Variants in IL1RAPL2 observed in about 807,000 individuals in gnomAD.
IL1RAPL2 encodes X-linked interleukin-1 receptor accessory protein-like 2.
Under a neutral mutation model 44.1 loss-of-function variants are expected in IL1RAPL2, and 3 were observed. The ratio of observed to expected loss-of-function variants is 0.07; its 90% CI spans 0.03 to 0.18. The LOEUF (loss-of-function observed/expected upper bound fraction) is 0.18. Among genes scored for constraint, IL1RAPL2 ranks in the 10% least tolerant of loss-of-function variants. The pLI is 1.00. For missense variants in IL1RAPL2, 391 were observed against 496.4 expected, an observed-to-expected ratio of 0.79 and a Z score of 2.02; for synonymous variants, 181 against 178.8, an observed-to-expected ratio of 1.01 and a Z score of -0.10.
At chrX:104,599,369 T>C (rs768493803) in intron 1 of IL1RAPL2, among the ~76,000 whole-genome samples, 2 of 110,852 alleles carry the variant, frequency 1.8e-5, no homozygotes, top group Admixed American at 1.9e-4. Flanking sequence ...CATCTCAGCC[T>C]CCTGAGTATC....
intron 3 of IL1RAPL2, among the ~76,000 whole-genome samples, chrX:105,197,832 G>A (rs1397696935): frequency 9.1e-6 from 1 of 110,097 alleles, no homozygotes; most frequent in Non-Finnish European, 1.9e-5. Flanking sequence ...GCATGTCATG[G>A]GGGTTTGGTG....
intron 5 of IL1RAPL2, among the ~76,000 whole-genome samples, chrX:105,479,908 T>C (rs180953616): frequency 1.3e-3 from 149 of 111,587 alleles, no homozygotes; most frequent in African/African-American, 4.6e-3. Flanking sequence ...TTGGTAGGTT[T>C]TGAATGGTTA....
chrX:104,567,823 C>T (rs188839177), intron 1 of IL1RAPL2, among the ~76,000 whole-genome samples: 137 of 112,280 alleles, frequency 1.2e-3, no homozygotes, highest in Middle Eastern at 9.2e-3. Flanking sequence ...GAGCAAACAG[C>T]TTGATCTGTC....
At chrX:104,585,371 TATATATA>T (rs1928533774) in intron 1 of IL1RAPL2, among the ~76,000 whole-genome samples, 3 of 22,190 alleles carry the variant, frequency 1.4e-4, no homozygotes, top group African/African-American at 9.8e-4. Flanking sequence ...TTATATATAT[TATATATA>T]ATATATATTA....
rs949580306 is a variant in IL1RAPL2, at chrX:105,032,774, G to A, written c.83-162701G>A. The stretch of plus-strand genomic sequence containing the variant: ...GTACAGAGATGAGTTCAGTTCCTGG[G>A]TATCCTTGTTAACTTTCTGTCTCGT... On this transcript the variant is annotated intron_variant, in intron 2 of 10. Coordinates refer to ENST00000372582, the MANE Select transcript of IL1RAPL2 (RefSeq NM_017416.2). Among the ~76,000 whole-genome samples, 12 of 110,959 alleles carry A rather than the reference G, an allele frequency of 1.1e-4. No individual in the cohort carries two copies. In the East Asian group the frequency reaches 1.4e-3, roughly 13 times the overall value.
intron 2 of IL1RAPL2, among the ~76,000 whole-genome samples, chrX:105,114,763 T>C (rs914377898): frequency 2.7e-5 from 3 of 112,087 alleles, no homozygotes; most frequent in Admixed American, 1.9e-4. Flanking sequence ...TCTTTCAATG[T>C]TGCCAAGCAG....
At chrX:105,106,729 G>A (rs1251108070) in intron 2 of IL1RAPL2, among the ~76,000 whole-genome samples, 1 of 111,614 alleles carries the variant, frequency 9.0e-6, no homozygotes, top group Non-Finnish European at 1.9e-5. Context: ...CTACAACCTA[G>A]AGTTTCTGTA....
chrX:105,115,999 C>G (rs944198178), intron 2 of IL1RAPL2, among the ~76,000 whole-genome samples: 4 of 113,384 alleles, frequency 3.5e-5, no homozygotes, highest in African/African-American at 1.3e-4. Flanking sequence ...GCCAGCAGCT[C>G]TGAGTGCGGG....
chrX:105,386,127 T>C (rs1433719660), intron 5 of IL1RAPL2, among the ~76,000 whole-genome samples: 1 of 111,745 alleles, frequency 8.9e-6, no homozygotes, highest in Non-Finnish European at 1.9e-5. Flanking sequence ...TGATCCCCGA[T>C]TGTGGTCTAA....
intron 6 of IL1RAPL2, among the ~76,000 whole-genome samples, chrX:105,637,688 C>T (rs1485586810): frequency 9.1e-6 from 1 of 110,085 alleles, no homozygotes; most frequent in Non-Finnish European, 1.9e-5. Context: ...TCTCATGTTC[C>T]TTTCCTTAGC....
chrX:104,763,883 T>C (rs188439481), intron 2 of IL1RAPL2, among the ~76,000 whole-genome samples: 1 of 111,420 alleles, frequency 9.0e-6, no homozygotes, highest in Admixed American at 9.5e-5. Context: ...AGTCAAACCA[T>C]ATCACTGGGT....
chrX:105,464,622 CAAAATCCA>C (rs1377791131), intron 5 of IL1RAPL2, among the ~76,000 whole-genome samples: 1 of 111,600 alleles, frequency 9.0e-6, no homozygotes, highest in African/African-American at 3.3e-5. Context: ...TTATTAACCC[CAAAATCCA>C]AAATTCCTTT....
At chrX:105,482,711 A>G (rs1016579392) in intron 5 of IL1RAPL2, among the ~76,000 whole-genome samples, 1 of 111,638 alleles carries the variant, frequency 9.0e-6, no homozygotes, top group Non-Finnish European at 1.9e-5. Flanking sequence ...GCTTCTAAAT[A>G]TTCTTCAAAT....
At chrX:105,136,264 A>G (rs557578989) in intron 2 of IL1RAPL2, among the ~76,000 whole-genome samples, 1 of 111,633 alleles carries the variant, frequency 9.0e-6, no homozygotes, top group African/African-American at 3.3e-5. Flanking sequence ...ATGGTTATAT[A>G]TTTTTCTGCA....
At chrX:105,686,218 G>A (rs2037972319) in intron 6 of IL1RAPL2, among the ~76,000 whole-genome samples, 1 of 109,601 alleles carries the variant, frequency 9.1e-6, no homozygotes, top group African/African-American at 3.3e-5. Context: ...AACCTTAAAT[G>A]TAAATTGGCT....
chrX:104,945,978 A>C (rs1925335594), intron 2 of IL1RAPL2, among the ~76,000 whole-genome samples: 1 of 111,053 alleles, frequency 9.0e-6, no homozygotes, highest in African/African-American at 3.3e-5. Context: ...CCCATTTTTA[A>C]AGAAAAAATC....
intron 2 of IL1RAPL2, among the ~76,000 whole-genome samples, chrX:104,764,999 T>A (rs374623805): frequency 8.9e-6 from 1 of 112,011 alleles, no homozygotes; most frequent in East Asian, 2.8e-4. Flanking sequence ...TCATCAGAGA[T>A]ATTGGTCTGT....
intron 2 of IL1RAPL2, among the ~76,000 whole-genome samples, chrX:105,047,554 A>G (rs2031856813): frequency 9.0e-6 from 1 of 111,584 alleles, no homozygotes; most frequent in Admixed American, 9.6e-5. Flanking sequence ...CCAGCTGTTA[A>G]TGATGCAGGA....
chrX:105,039,400 T>C (rs1365257691), intron 2 of IL1RAPL2, among the ~76,000 whole-genome samples: 1 of 111,865 alleles, frequency 8.9e-6, no homozygotes, highest in Non-Finnish European at 1.9e-5. Context: ...CAACTCCAAG[T>C]CTGCACAAAT....
Sources: allele counts gnomAD v4.1 joint callset (sites outside exome capture counted in the v4.1 genomes callset), GRCh38; gene constraint gnomAD v4.1.1; transcripts MANE v1.5; gene names NCBI Gene and HGNC (gene_info 2026-07-23, HGNC 2026-07-21).